Variants in CENPW observed in about 807,000 individuals in gnomAD.
CENPW encodes centromere protein W, also known as cancer-up-regulated gene 2 protein.
A neutral mutation model predicts 11.1 loss-of-function variants in CENPW; 3 were observed. The ratio of observed to expected loss-of-function variants is 0.27; its 90% CI spans 0.12 to 0.70. CENPW has a LOEUF of 0.70. CENPW is among the 30% of genes least tolerant of loss of function. The probability of loss-of-function intolerance (pLI) is 0.77; values close to 1 mark genes in which losing one functional copy is unlikely to be tolerated. For synonymous variants in CENPW, 38 were observed against 42.0 expected (o/e 0.91, Z 0.37); for missense variants, 100 against 105.6 (o/e 0.95, Z 0.23).
At position 126,342,810 on chromosome 6, in the gene CENPW, A is replaced by G. The variant is rs77104484; in HGVS notation, c.126+2411A>G. ...TGGTGTTTTGCATAATAGCTTCAAC[A>G]TTCTGAGTCTACAATTAATTTTGGA... On this transcript the variant is annotated intron_variant, in intron 1 of 2. Transcript: ENST00000368328. Among the ~76,000 whole-genome samples, 1,132 of 152,238 alleles carry G rather than the reference A, an allele frequency of 7.4e-3. 13 individuals carry two copies. Among genetic ancestry groups the G allele is most frequent in the Non-Finnish European group, 0.012 (831 of 68,020 alleles).
At chr6:126,377,150 C>T in the CENPW span, among the ~76,000 whole-genome samples, 3 of 152,068 alleles carry the variant, frequency 2.0e-5, no homozygotes, top group African/African-American at 7.2e-5. Flanking sequence ...GTCCTTTGAC[C>T]CAGATCTCTA....
chr6:126,354,778 A>G, the CENPW span, among the ~76,000 whole-genome samples: 3 of 152,070 alleles, frequency 2.0e-5, no homozygotes, highest in African/African-American at 7.2e-5. Context: ...CTTCAATTAA[A>G]TGGTTTCTGT....
chr6:126,455,139 G>T, the CENPW span, among the ~76,000 whole-genome samples: 1 of 151,322 alleles, frequency 6.6e-6, no homozygotes, highest in Non-Finnish European at 1.5e-5. Context: ...TCTAGTGGAT[G>T]TATAAACAAA....
At chr6:126,411,933 T>TTCCC in the CENPW span, among the ~76,000 whole-genome samples, 1 of 105,504 alleles carries the variant, frequency 9.5e-6, no homozygotes, top group African/African-American at 3.7e-5. Flanking sequence ...TCCTTTCTTC[T>TTCCC]TCCCTCCCTC....
the CENPW span, among the ~76,000 whole-genome samples, chr6:126,395,216 T>C: frequency 1.3e-5 from 2 of 152,164 alleles, no homozygotes; most frequent in African/African-American, 4.8e-5. Flanking sequence ...CTTCATTGTT[T>C]TTTGTTCTTT....
chr6:126,370,710 C>T, the CENPW span, among the ~76,000 whole-genome samples: 5 of 151,522 alleles, frequency 3.3e-5, no homozygotes, highest in African/African-American at 9.7e-5. Flanking sequence ...CATCAGCAAA[C>T]GACAGTTTCA....
the CENPW span, among the ~76,000 whole-genome samples, chr6:126,468,420 C>CAAAAAAAAAAAAA: frequency 1.9e-5 from 1 of 53,532 alleles, no homozygotes; most frequent in Non-Finnish European, 3.2e-5. Flanking sequence ...AACTCTGTCT[C>CAAAAAAAAAAAAA]AAAAAAAAAA....
chr6:126,364,431 C>A, the CENPW span, among the ~76,000 whole-genome samples: 1 of 152,030 alleles, frequency 6.6e-6, no homozygotes, highest in Admixed American at 6.6e-5. Context: ...GATAAGTTTC[C>A]CTTTCCCCAA....
chr6:126,363,789 C>T, the CENPW span, among the ~76,000 whole-genome samples: 1 of 152,172 alleles, frequency 6.6e-6, no homozygotes, highest in Non-Finnish European at 1.5e-5. Flanking sequence ...TCAAAGGGAA[C>T]TCAAATTTGT....
chr6:126,383,064 C>G, the CENPW span, among the ~76,000 whole-genome samples: 1 of 152,192 alleles, frequency 6.6e-6, no homozygotes, highest in Non-Finnish European at 1.5e-5. Flanking sequence ...GTCAAACCAA[C>G]AGCAGACCTC....
the CENPW span, among the ~76,000 whole-genome samples, chr6:126,382,242 A>T: frequency 1.1e-4 from 17 of 151,462 alleles, no homozygotes; most frequent in East Asian, 3.9e-4. Flanking sequence ...TCTCAAAAAA[A>T]ATATATATAT....
At chr6:126,389,371 A>C in the CENPW span, among the ~76,000 whole-genome samples, 1 of 151,834 alleles carries the variant, frequency 6.6e-6, no homozygotes, top group Non-Finnish European at 1.5e-5. Flanking sequence ...CTACCTCCTT[A>C]GGCTTCCTTT....
chr6:126,360,936 A>T, the CENPW span, among the ~76,000 whole-genome samples: 1 of 152,126 alleles, frequency 6.6e-6, no homozygotes, highest in East Asian at 1.9e-4. Context: ...CAATCTGGTT[A>T]TGAACCATTC....
chr6:126,412,733 T>G, the CENPW span, among the ~76,000 whole-genome samples: 57 of 152,332 alleles, frequency 3.7e-4, no homozygotes, highest in African/African-American at 1.2e-3. Flanking sequence ...ACACATTTTT[T>G]GTGGCTCTGT....
At chr6:126,417,821 G>C in the CENPW span, among the ~76,000 whole-genome samples, 46 of 152,266 alleles carry the variant, frequency 3.0e-4, no homozygotes, top group Non-Finnish European at 3.2e-4. Context: ...GATCCATTTT[G>C]CTTAAAAGTC....
At chr6:126,343,203 C>G (rs1437950033) in intron 1 of CENPW, among the ~76,000 whole-genome samples, 3 of 152,124 alleles carry the variant, frequency 2.0e-5, no homozygotes, top group Non-Finnish European at 4.4e-5. Context: ...GATGGAATAG[C>G]TTACCTTTTT....
At chr6:126,386,890 A>C in the CENPW span, among the ~76,000 whole-genome samples, 1 of 151,976 alleles carries the variant, frequency 6.6e-6, no homozygotes, top group Admixed American at 6.6e-5. Context: ...AAGAAATATA[A>C]TTAAAAATTA....
At chr6:126,408,317 A>T in the CENPW span, among the ~76,000 whole-genome samples, 1 of 152,184 alleles carries the variant, frequency 6.6e-6, no homozygotes, top group South Asian at 2.1e-4. Context: ...AGGTCTCATA[A>T]TCAAGGTGGA....
At chr6:126,404,645 A>G in the CENPW span, among the ~76,000 whole-genome samples, 243 of 152,176 alleles carry the variant, frequency 1.6e-3, no homozygotes, top group South Asian at 2.7e-3. Flanking sequence ...TGAGTCCCAG[A>G]AGAGGACTGT....
Sources: gnomAD v4.1 joint callset for allele counts (sites outside exome capture counted in the v4.1 genomes callset) on GRCh38, gnomAD v4.1.1 for gene constraint, MANE v1.5 for transcripts, NCBI Gene and HGNC (gene_info 2026-07-23, HGNC 2026-07-21) for gene names.